The following SH3BGRL2 variants were observed in gnomAD, a reference collection of about 807,000 sequenced individuals.
The protein encoded by SH3BGRL2 is SH3 domain binding glutamate rich protein like 2, also known as SH3 domain-binding glutamic acid-rich-like protein 2.
SH3BGRL2 carries 21 observed loss-of-function variants against 14.8 expected under a neutral mutation model. The observed-to-expected ratio is 1.42, with a 90% CI of 1.01 to 2.05. The LOEUF is 2.05. Among genes scored for constraint, SH3BGRL2 ranks in the 30% most tolerant of loss-of-function variants. The pLI, the probability that SH3BGRL2 is intolerant of heterozygous loss-of-function variation, is 0.00. For missense variants in SH3BGRL2, 147 were observed against 130.8 expected, an observed-to-expected ratio of 1.12 and a Z score of -0.61; for synonymous variants, 50 against 47.8, an observed-to-expected ratio of 1.05 and a Z score of -0.19.
chr6:79,621,495 C>T, the SH3BGRL2 span, among the ~76,000 whole-genome samples: 2 of 152,192 alleles, frequency 1.3e-5, no homozygotes, highest in South Asian at 2.1e-4. Flanking sequence ...TCTTGGACTT[C>T]CCAGCTTTCA....
At chr6:79,572,971 T>A in the SH3BGRL2 span, among the ~76,000 whole-genome samples, 1 of 152,240 alleles carries the variant, frequency 6.6e-6, no homozygotes, top group Non-Finnish European at 1.5e-5. Context: ...TAAAATGGTG[T>A]CTTTAGATGC....
chr6:79,665,077 G>A (rs960872409), intron 1 of SH3BGRL2, among the ~76,000 whole-genome samples: 2 of 152,290 alleles, frequency 1.3e-5, no homozygotes, highest in East Asian at 1.9e-4. Context: ...GCGGGCGCCT[G>A]TAGTCCCAGC....
chr6:79,646,655 T>A (rs1164132897), intron 1 of SH3BGRL2, among the ~76,000 whole-genome samples: 1 of 152,212 alleles, frequency 6.6e-6, no homozygotes, highest in Non-Finnish European at 1.5e-5. Flanking sequence ...TTCCAGAATA[T>A]TTTATCACCC....
chr6:79,556,133 C>T, the SH3BGRL2 span, among the ~76,000 whole-genome samples: 1 of 151,902 alleles, frequency 6.6e-6, no homozygotes. Context: ...CAAATTTCTG[C>T]AAGAAGGAAA....
chr6:79,651,243 T>A (rs1052789421), intron 1 of SH3BGRL2, among the ~76,000 whole-genome samples: 1 of 152,166 alleles, frequency 6.6e-6, no homozygotes, highest in African/African-American at 2.4e-5. Context: ...ATTTTGACTG[T>A]TACAGCAATT....
chr6:79,623,279 G>A, the SH3BGRL2 span, among the ~76,000 whole-genome samples: 1 of 149,500 alleles, frequency 6.7e-6, no homozygotes, highest in Non-Finnish European at 1.5e-5. Flanking sequence ...TCTGGCCTGG[G>A]CGATACAGTG....
At chr6:79,681,469 A>G (rs1381920609) in intron 2 of SH3BGRL2, among the ~76,000 whole-genome samples, 1 of 152,170 alleles carries the variant, frequency 6.6e-6, no homozygotes, top group African/African-American at 2.4e-5. Context: ...GCCTTGGTTA[A>G]TTGAGGCCTG....
chr6:79,697,581 G>C (rs535927276), intron 3 of SH3BGRL2, among the ~76,000 whole-genome samples: 71 of 152,306 alleles, frequency 4.7e-4, no homozygotes, highest in African/African-American at 1.7e-3. Flanking sequence ...CATAGCCAAT[G>C]TGAAATCGTG....
At chr6:79,629,145 C>G (rs1270816364), upstream of SH3BGRL2, among the ~76,000 whole-genome samples, 3 of 152,316 alleles carry the variant, frequency 2.0e-5, no homozygotes, top group Middle Eastern at 3.4e-3. Flanking sequence ...TTTGAGGACC[C>G]TTAGATTACA....
chr6:79,610,039 C>T, the SH3BGRL2 span, among the ~76,000 whole-genome samples: 18 of 152,240 alleles, frequency 1.2e-4, 1 homozygote, highest in South Asian at 3.7e-3. Context: ...TGAGATAATG[C>T]CTGCTTTTCC....
chr6:79,555,513 A>T, the SH3BGRL2 span, among the ~76,000 whole-genome samples: 191 of 152,190 alleles, frequency 1.3e-3, 4 homozygotes, highest in African/African-American at 4.0e-3. Flanking sequence ...AAACTGACAA[A>T]CTGTTTGTTT....
chr6:79,625,575 AC>A, the SH3BGRL2 span, among the ~76,000 whole-genome samples: 1 of 152,168 alleles, frequency 6.6e-6, no homozygotes, highest in Non-Finnish European at 1.5e-5. Context: ...CTTATACAAA[AC>A]CAGATACCTG....
the SH3BGRL2 span, among the ~76,000 whole-genome samples, chr6:79,582,386 T>C: frequency 1.2e-3 from 177 of 152,210 alleles, no homozygotes; most frequent in African/African-American, 3.9e-3. Flanking sequence ...CTTCAAACTA[T>C]ACTACAAGGC....
At chr6:79,633,167 G>C (rs1465351238) in intron 1 of SH3BGRL2, among the ~76,000 whole-genome samples, 2 of 152,080 alleles carry the variant, frequency 1.3e-5, no homozygotes, top group African/African-American at 4.8e-5. Context: ...TTAATGTTTT[G>C]TGTTTTGCAC....
the SH3BGRL2 span, among the ~76,000 whole-genome samples, chr6:79,626,001 G>A: frequency 6.6e-6 from 1 of 152,218 alleles, no homozygotes; most frequent in Non-Finnish European, 1.5e-5. Flanking sequence ...ATTGTGACAA[G>A]CATGGTGTGG....
chr6:79,627,622 C>A (rs943944142), upstream of SH3BGRL2, among the ~76,000 whole-genome samples: 27 of 152,220 alleles, frequency 1.8e-4, no homozygotes, highest in African/African-American at 6.5e-4. Context: ...CATTTTGAAA[C>A]TTAAAATTCT....
the SH3BGRL2 span, among the ~76,000 whole-genome samples, chr6:79,618,337 T>C: frequency 6.6e-6 from 1 of 152,194 alleles, no homozygotes; most frequent in Non-Finnish European, 1.5e-5. Flanking sequence ...GGTGTTCAAA[T>C]TGACCCAAAT....
chr6:79,594,237 A>G, the SH3BGRL2 span, among the ~76,000 whole-genome samples: 326 of 152,282 alleles, frequency 2.1e-3, no homozygotes, highest in Non-Finnish European at 4.0e-3. Context: ...ATTTGAAGAT[A>G]TTATTTAGAA....
chr6:79,629,915 C>A (rs1015455541), upstream of SH3BGRL2, among the ~76,000 whole-genome samples: 1 of 152,102 alleles, frequency 6.6e-6, no homozygotes, highest in Non-Finnish European at 1.5e-5. Context: ...CTGAATAATT[C>A]CAAACTGAAG....
Sources: allele counts gnomAD v4.1 joint callset (sites outside exome capture counted in the v4.1 genomes callset), GRCh38; gene constraint gnomAD v4.1.1; transcripts MANE v1.5; gene names NCBI Gene and HGNC (gene_info 2026-07-23, HGNC 2026-07-21).